Variants in GPR32 observed in about 807,000 individuals in gnomAD.
The protein encoded by GPR32 is probable G protein-coupled receptor 32.
For synonymous variants in GPR32, 215 were observed against 195.3 expected (o/e 1.10, Z -0.84); for missense variants, 433 against 454.1 (o/e 0.95, Z 0.42).
At position 50,770,855 on chromosome 19, in the gene GPR32, C is replaced by T; in HGVS notation, c.255C>T (p.Ala85=). 6.2e-7 allele frequency: 1 copy of T among 1,614,222 alleles called. No individual in the cohort carries two copies. The highest frequency in any genetic ancestry group is 2.2e-5 in the East Asian group (1 of 44,882). Residue 85 remains alanine, a synonymous_variant, in exon 1 of 1, where the codon GCC becomes GCT. Transcript: ENST00000270590. ...TVSTVCFFHL[A]LADFMLSLSL... is the part of the protein sequence containing the mutation. ...CCACCGTCTGCTTCTTCCACCTGGC[C>T]CTTGCCGATTTCATGCTCTCACTGT...
chr19:50,770,814 A>C lies in GPR32; in HGVS notation c.214A>C (p.Met72Leu). 6.2e-7 allele frequency: 1 copy of C among 1,613,998 alleles called. No homozygotes were observed. The highest frequency in any genetic ancestry group is 8.5e-7 in the Non-Finnish European group (1 of 1,180,010). Residue 72 changes from methionine (M) to leucine (L), a missense_variant, in exon 1 of 1, where the codon ATG (methionine) becomes CTG (leucine). Physicochemically the swap from Met to Leu is conservative, Grantham distance 15 (BLOSUM62 2). Coordinates refer to ENST00000270590, the MANE Select transcript of GPR32 (RefSeq NM_001506.2). ...GGTGCTGTGGATGACTGTCTTCCGT[A>C]TGGCACGCACGGTCTCCACCGTCTG... ...GLVLWMTVFRMARTVSTVCFF... is the reference protein window; with the variant it reads ...GLVLWMTVFRLARTVSTVCFF...
At position 50,771,068 on chromosome 19, in the gene GPR32, G is replaced by T. The variant is rs2089397548; in HGVS notation, c.468G>T (p.Gln156His). 6.2e-7 allele frequency: 1 copy of T among 1,614,030 alleles called. No homozygotes were observed. The highest frequency in any genetic ancestry group is 1.3e-5 in the African/African-American group (1 of 74,938). Residue 156 changes from glutamine to histidine, a missense_variant, in exon 1 of 1, where the codon CAG becomes CAT. Coordinates refer to ENST00000270590, the MANE Select transcript of GPR32 (RefSeq NM_001506.2). The part of the protein sequence containing the change: ...PVWALNHRTV[Q>H]RASWLAFGVW... ...GGGCCCTGAACCACCGCACTGTGCA[G>T]CGGGCGAGCTGGCTGGCCTTTGGGG...
Position 50,771,623 on chromosome 19 carries a change from G to A in GPR32, c.1023G>A (p.Glu341=). Residue 341 remains glutamate, a synonymous_variant, in exon 1 of 1, where the codon GAG becomes GAA. Coordinates refer to ENST00000270590, the MANE Select transcript of GPR32 (RefSeq NM_001506.2). Reference sequence around the variant, plus strand: ...CTGCCCTGGCGAGGGCGTTTGGAGAGGAGGAGTTTCTGTCATCCTGTCCCC... The same window carrying A: ...CTGCCCTGGCGAGGGCGTTTGGAGAAGAGGAGTTTCTGTCATCCTGTCCCC... ...LTSALARAFG[E]EEFLSSCPRG... The A allele has an allele frequency of 6.2e-7, 1 of 1,613,902 alleles. No individual in the cohort carries two copies. Among genetic ancestry groups the A allele is most frequent in the Non-Finnish European group, 8.5e-7 (1 of 1,179,996 alleles).
chr19:50,771,459 A>T, the GPR32 span: 1 of 1,614,104 alleles, frequency 6.2e-7, no homozygotes, highest in Non-Finnish European at 8.5e-7. Flanking sequence ...GGTGATGCTC[A>T]AGGAAATCTA....
chr19:50,770,780 C>A lies in GPR32; in HGVS notation c.180C>A (p.Gly60=). The part of the protein sequence containing the change: ...LSASIVVGVL[G]NGLVLWMTVF... ...CGTCCATTGTCGTCGGAGTGCTGGG[C>A]AATGGGCTGGTGCTGTGGATGACTG... is the stretch of plus-strand genomic sequence containing the variant. Residue 60 remains glycine (G), a synonymous_variant, in exon 1 of 1, where the codon GGC becomes GGA. Transcript: ENST00000270590. 1 of 1,614,120 alleles carries A rather than the reference C, an allele frequency of 6.2e-7. No homozygotes were observed. The highest frequency in any genetic ancestry group is 1.3e-5 in the African/African-American group (1 of 75,026).
At position 50,771,244 on chromosome 19, in the gene GPR32, T is replaced by C. The variant is rs999706413; in HGVS notation, c.644T>C (p.Ile215Thr). 1.2e-6 allele frequency: 2 copies of C among 1,614,072 alleles called. No homozygotes were observed. Among genetic ancestry groups the C allele is most frequent in the Admixed American group, 1.7e-5 (1 of 59,986 alleles). ...GAAGGGGTCGTGGAGGGACACATTA[T>C]AGGGACCATTGGCCACTTCCTGCTG... ...WIEGVVEGHIIGTIGHFLLGF... is the reference protein window; with the variant it reads ...WIEGVVEGHITGTIGHFLLGF... Residue 215 changes from isoleucine (I) to threonine (T), a missense_variant, in exon 1 of 1, where the codon ATA becomes ACA. Transcript: ENST00000270590.
rs762258518 is a variant in GPR32 at position 50,771,543 on chromosome 19, C to T, written c.943C>T (p.Leu315Phe). The change falls in exon 1 of 1, where the codon CTC becomes TTC. Residue 315 changes from leucine to phenylalanine, a missense_variant. Physicochemically the swap from Leu to Phe is conservative, Grantham distance 22. Transcript: ENST00000270590. ...GCVNSSLNPF[L>F]YVFVGRDFQE... ...TGTCAACAGCAGCCTCAACCCCTTC[C>T]TCTACGTCTTCGTTGGCAGAGATTT... The T allele has an allele frequency of 2.5e-6, 4 of 1,614,182 alleles. No individual in the cohort carries two copies. Among genetic ancestry groups the T allele is most frequent in the Admixed American group, 3.3e-5 (2 of 60,018 alleles).
chr19:50,771,346 T>A lies in GPR32; in HGVS notation c.746T>A (p.Val249Asp), dbSNP rs979866185. 12 of 1,613,998 alleles carry A rather than the reference T, an allele frequency of 7.4e-6. No individual in the cohort carries two copies. In the African/African-American group the frequency reaches 1.5e-4, roughly 20 times the overall value. The change falls in exon 1 of 1, where the codon GTC becomes GAC. Residue 249 changes from valine to aspartate, a missense_variant. By Grantham distance (152) the Val-to-Asp change is radical. Transcript: ENST00000270590. ...IRAKLLREGW[V>D]HANRPKRLLL... is the part of the protein sequence containing the mutation. ...GCCAAGCTCTTGCGGGAGGGCTGGG[T>A]CCATGCCAACCGGCCCAAGAGGCTG...
rs754710450 is a variant in GPR32 at position 50,771,577 on chromosome 19, A to T, written c.977A>T (p.Lys326Met). ...YVFVGRDFQE[K>M]FFQSLTSALA... Reference sequence around the variant, plus strand: ...TTCGTTGGCAGAGATTTCCAAGAAAAGTTTTTCCAGTCTTTGACTTCTGCC... The same window carrying T: ...TTCGTTGGCAGAGATTTCCAAGAAATGTTTTTCCAGTCTTTGACTTCTGCC... The change falls in exon 1 of 1, where the codon AAG (lysine) becomes ATG (methionine). Residue 326 changes from lysine (K) to methionine (M), a missense_variant. Physicochemically the swap from Lys to Met is moderately conservative, Grantham distance 95. Coordinates refer to ENST00000270590, the MANE Select transcript of GPR32 (RefSeq NM_001506.2). 1 of 1,614,046 alleles carries T rather than the reference A, an allele frequency of 6.2e-7. No homozygotes were observed. Among genetic ancestry groups the T allele is most frequent in the Non-Finnish European group, 8.5e-7 (1 of 1,179,998 alleles).
Position 50,771,722 on chromosome 19 carries a change from G to A in GPR32, c.*51G>A, listed in dbSNP as rs774425662. On this transcript the variant is annotated 3_prime_UTR_variant, in exon 1 of 1. Transcript: ENST00000270590. Reference sequence around the variant, plus strand: ...AGCCGTCCTTCTTAGTTTGCTTGTGGCCTCTTACCTTGACTGGCTTCTAAA... The same window carrying A: ...AGCCGTCCTTCTTAGTTTGCTTGTGACCTCTTACCTTGACTGGCTTCTAAA... 1.6e-6 allele frequency: 2 copies of A among 1,235,872 alleles called. No individual in the cohort carries two copies. The highest frequency in any genetic ancestry group is 2.0e-4 in the Middle Eastern group (1 of 4,918). 76.6% of individuals were successfully genotyped at this position (1,235,872 alleles called of 1,614,324 possible). A position where few individuals can be genotyped will look rare whatever the true frequency, so the allele number is the denominator to read the frequency against.
At position 50,771,098 on chromosome 19, in the gene GPR32, G is replaced by C. The variant is rs374550267; in HGVS notation, c.498G>C (p.Trp166Cys). The stretch of plus-strand genomic sequence containing the variant: ...CGAGCTGGCTGGCCTTTGGGGTGTG[G>C]CTCCTGGCCGCCGCCTTGTGCTCTG... ...QRASWLAFGVWLLAAALCSAH... is the reference protein window; with the variant it reads ...QRASWLAFGVCLLAAALCSAH... The change falls in exon 1 of 1, where the codon TGG becomes TGC. Residue 166 changes from tryptophan to cysteine, a missense_variant. Physicochemically the swap from Trp to Cys is radical, Grantham distance 215. Coordinates refer to ENST00000270590, the MANE Select transcript of GPR32 (RefSeq NM_001506.2). 1.9e-6 allele frequency: 3 copies of C among 1,614,156 alleles called. No individual in the cohort carries two copies. Among genetic ancestry groups the C allele is most frequent in the Non-Finnish European group, 1.7e-6 (2 of 1,180,048 alleles).
In GPR32 at chr19:50,770,472, C is replaced by G. The variant is rs570923976; in HGVS notation, c.-129C>G. The G allele has an allele frequency of 7.7e-5, 49 of 636,946 alleles. 1 individual carries two copies. The East Asian group carries it at 1.4e-3, about 18-fold the overall frequency. The allele number at this position is 636,946 out of a possible 1,614,324, so 39.5% of individuals were successfully genotyped here. The stretch of plus-strand genomic sequence containing the variant: ...GCTGAGGGGGGAGGATCTCTTGAGC[C>G]TAGGAGGTGGAGGCTGCAGTGATCT... On this transcript the variant is annotated 5_prime_UTR_variant, in exon 1 of 1. Transcript: ENST00000270590.
chr19:50,771,251 C>T lies in GPR32; in HGVS notation c.651C>T (p.Thr217=). ...EGVVEGHIIG[T]IGHFLLGFLG... The stretch of plus-strand genomic sequence containing the variant: ...TCGTGGAGGGACACATTATAGGGAC[C>T]ATTGGCCACTTCCTGCTGGGCTTCC... Residue 217 remains threonine (T), a synonymous_variant, in exon 1 of 1, where the codon ACC becomes ACT. Coordinates refer to ENST00000270590, the MANE Select transcript of GPR32 (RefSeq NM_001506.2). 2.5e-6 allele frequency: 4 copies of T among 1,614,146 alleles called. No individual in the cohort carries two copies. Among genetic ancestry groups the T allele is most frequent in the Non-Finnish European group, 3.4e-6 (4 of 1,180,030 alleles).
rs75959054 is a variant in GPR32 at position 50,771,660 on chromosome 19, C to T, written c.1060C>T (p.Pro354Ser). ...GTCATCCTGTCCCCGTGGCAACGCC[C>T]CCCGGGAATGATGGAAGACTTCAGC... Reference protein sequence around the residue: ...FLSSCPRGNAPRE With the variant: ...FLSSCPRGNASRE Residue 354 changes from proline (P) to serine (S), a missense_variant, in exon 1 of 1, where the codon CCC becomes TCC. Pro to Ser is a moderately conservative substitution (Grantham distance 74, BLOSUM62 -1). Coordinates refer to ENST00000270590, the MANE Select transcript of GPR32 (RefSeq NM_001506.2). 2,817 of 1,608,406 alleles carry T rather than the reference C, an allele frequency of 1.8e-3. 22 individuals carry two copies. In the African/African-American group the frequency reaches 0.034, roughly 19 times the overall value.
chr19:50,771,036 C>G lies in GPR32; in HGVS notation c.436C>G (p.Pro146Ala). The G allele has an allele frequency of 6.2e-7, 1 of 1,614,136 alleles. No homozygotes were observed. The highest frequency in any genetic ancestry group is 8.5e-7 in the Non-Finnish European group (1 of 1,180,040). Residue 146 changes from proline to alanine, a missense_variant, in exon 1 of 1, where the codon CCC becomes GCC. Coordinates refer to ENST00000270590, the MANE Select transcript of GPR32 (RefSeq NM_001506.2). ...SVDRCISVLY[P>A]VWALNHRTVQ... Reference sequence around the variant, plus strand: ...GGACCGTTGCATCTCTGTCCTCTACCCCGTCTGGGCCCTGAACCACCGCAC... The same window carrying G: ...GGACCGTTGCATCTCTGTCCTCTACGCCGTCTGGGCCCTGAACCACCGCAC...
chr19:50,770,893 C>T lies in GPR32; in HGVS notation c.293C>T (p.Ala98Val), dbSNP rs560406571. Reference sequence around the variant, plus strand: ...ATGCTCTCACTGTCTCTGCCCATTGCCATGTACTATATTGTCTCCAGGCAG... The same window carrying T: ...ATGCTCTCACTGTCTCTGCCCATTGTCATGTACTATATTGTCTCCAGGCAG... ...DFMLSLSLPIAMYYIVSRQWL... is the reference protein window; with the variant it reads ...DFMLSLSLPIVMYYIVSRQWL... The change falls in exon 1 of 1, where the codon GCC becomes GTC. Residue 98 changes from alanine (A) to valine (V), a missense_variant. By Grantham distance (64) the Ala-to-Val change is moderately conservative. Coordinates refer to ENST00000270590, the MANE Select transcript of GPR32 (RefSeq NM_001506.2). 5 of 1,612,822 alleles carry T rather than the reference C, an allele frequency of 3.1e-6. No individual in the cohort carries two copies. The highest frequency in any genetic ancestry group is 2.2e-5 in the East Asian group (1 of 44,894).
Position 50,770,691 on chromosome 19 carries a change from T to C in GPR32, c.91T>C (p.Ser31Pro). Residue 31 changes from serine to proline, a missense_variant, in exon 1 of 1, where the codon TCT becomes CCT. Ser to Pro is a moderately conservative substitution (Grantham distance 74). Coordinates refer to ENST00000270590, the MANE Select transcript of GPR32 (RefSeq NM_001506.2). ...TCGCTCTTGTTCCAGGAAGATGAACTCTTCCGGATGCCTGTCTGAGGAGGT... is the reference window on the plus strand; with the variant it reads ...TCGCTCTTGTTCCAGGAAGATGAACCCTTCCGGATGCCTGTCTGAGGAGGT... ...RDRSCSRKMN[S>P]SGCLSEEVGS... The C allele has an allele frequency of 6.2e-7, 1 of 1,614,106 alleles. No homozygotes were observed. The highest frequency in any genetic ancestry group is 8.5e-7 in the Non-Finnish European group (1 of 1,179,992).
rs762705068 is a variant in GPR32, at chr19:50,770,600, C to T, written c.-1C>T. On this transcript the variant is annotated 5_prime_UTR_variant, in exon 1 of 1. Coordinates refer to ENST00000270590, the MANE Select transcript of GPR32 (RefSeq NM_001506.2). ...CATAAAAATTATGGAATGGAGAAAT[C>T]ATGAATGGGGTCTCGGAGGGGACCA... is the stretch of plus-strand genomic sequence containing the variant. 1.3e-6 allele frequency: 2 copies of T among 1,546,666 alleles called. No homozygotes were observed. The highest frequency in any genetic ancestry group is 2.3e-5 in the East Asian group (1 of 44,358).
chr19:50,771,142 C>A lies in GPR32; in HGVS notation c.542C>A (p.Thr181Lys), dbSNP rs376523777. ...ALCSAHLKFR[T>K]TRKWNGCTHC... ...TGCTCTGCGCACCTGAAATTCCGGA[C>A]AACCAGAAAATGGAATGGCTGTACG... The change falls in exon 1 of 1, where the codon ACA becomes AAA. Residue 181 changes from threonine (T) to lysine (K), a missense_variant. Physicochemically the swap from Thr to Lys is moderately conservative, Grantham distance 78 (BLOSUM62 -1). Transcript: ENST00000270590. 3 of 1,614,088 alleles carry A rather than the reference C, an allele frequency of 1.9e-6. No homozygotes were observed. The highest frequency in any genetic ancestry group is 1.3e-5 in the African/African-American group (1 of 74,936).
Sources: allele counts gnomAD v4.1 joint callset, GRCh38; gene constraint gnomAD v4.1.1; transcripts MANE v1.5; gene names NCBI Gene and HGNC (gene_info 2026-07-23, HGNC 2026-07-21).